Variants in TUFT1 observed in about 807,000 individuals in gnomAD.
The protein encoded by TUFT1 is tuftelin.
In TUFT1, 43 loss-of-function variants were observed where a neutral mutation model predicts 57.8. The ratio of observed to expected loss-of-function variants is 0.74; its 90% confidence interval spans 0.58 to 0.96. The LOEUF (loss-of-function observed/expected upper bound fraction) is 0.96. TUFT1 is among the 40% of genes least tolerant of loss of function. The pLI is 0.00. For missense variants in TUFT1, 459 were observed against 489.0 expected (o/e 0.94, Z 0.58); for synonymous variants, 166 against 176.7 (o/e 0.94, Z 0.48).
chr1:151,551,131 C>G (rs1665494404), intron 1 of TUFT1, among the ~76,000 whole-genome samples: 1 of 152,162 alleles, frequency 6.6e-6, no homozygotes, highest in Non-Finnish European at 1.5e-5. Flanking sequence ...GGTTGAGCAT[C>G]TTTCCTATTC....
chr1:151,566,483 C>T (rs899267362), intron 6 of TUFT1, among the ~76,000 whole-genome samples: 1 of 152,152 alleles, frequency 6.6e-6, no homozygotes, highest in Non-Finnish European at 1.5e-5. Flanking sequence ...TCAGCCTCAG[C>T]TGTTCATTGG....
rs59820789 is a variant in TUFT1, at chr1:151,569,664, C to T, written c.488C>T (p.Thr163Ile). ...TCCTTGTTCTGGCTGTAGGTGGACACCTGTATAAATGAGGATGTTGAGAGC... is the reference window on the plus strand; with the variant it reads ...TCCTTGTTCTGGCTGTAGGTGGACATCTGTATAAATGAGGATGTTGAGAGC... Reference protein sequence around the residue: ...ALYSSPPEVDTCINEDVESLR... With the variant: ...ALYSSPPEVDICINEDVESLR... The change falls in exon 7 of 13, where the codon ACC (threonine) becomes ATC (isoleucine). Residue 163 changes from threonine (T) to isoleucine (I), a missense_variant. By Grantham distance (89) the Thr-to-Ile change is moderately conservative (BLOSUM62 -1). Coordinates refer to ENST00000368849, the MANE Select transcript of TUFT1 (RefSeq NM_020127.3). 63 of 1,613,622 alleles carry T rather than the reference C, an allele frequency of 3.9e-5. No individual in the cohort carries two copies. In the East Asian group the frequency reaches 1.2e-3, roughly 32 times the overall value.
At chr1:151,564,042 A>T in intron 4 of TUFT1, 52 bp downstream of exon 4, 1 of 1,392,512 alleles carries the variant, frequency 7.2e-7, no homozygotes, top group South Asian at 1.2e-5. Context: ...TCTAAATCTC[A>T]CATTTTTTGT....
At chr1:151,570,176 T>C (rs552647686) in intron 7 of TUFT1, among the ~76,000 whole-genome samples, 7 of 152,322 alleles carry the variant, frequency 4.6e-5, no homozygotes, top group African/African-American at 1.7e-4. Flanking sequence ...AGATAGGTGC[T>C]TCATAAACGT....
chr1:151,575,000 A>C lies in TUFT1; in HGVS notation c.813A>C (p.Arg271=). The change falls in exon 9 of 13, where the codon CGA becomes CGC. Residue 271 remains arginine, a synonymous_variant. Transcript: ENST00000368849. ...RSNNADCQAE[R]EKAATLEKEV... ...ACAATGCTGACTGCCAAGCAGAACGAGAAAAGTAAGGGCTTGGCTCTTGTT... is the reference window on the plus strand; with the variant it reads ...ACAATGCTGACTGCCAAGCAGAACGCGAAAAGTAAGGGCTTGGCTCTTGTT... 1.3e-6 allele frequency: 2 copies of C among 1,560,114 alleles called. No homozygotes were observed. Among genetic ancestry groups the C allele is most frequent in the Non-Finnish European group, 1.7e-6 (2 of 1,151,520 alleles).
chr1:151,561,132 T>C (rs1665874267), intron 1 of TUFT1, among the ~76,000 whole-genome samples: 1 of 152,008 alleles, frequency 6.6e-6, no homozygotes, highest in African/African-American at 2.4e-5. Flanking sequence ...TAGCTGGGAC[T>C]ACAGGCGCCT....
At chr1:151,556,396 C>T (rs548537511) in intron 1 of TUFT1, among the ~76,000 whole-genome samples, 11 of 150,780 alleles carry the variant, frequency 7.3e-5, no homozygotes, top group Admixed American at 2.0e-4. Flanking sequence ...TCCCCCTCCC[C>T]GTCTCCTCCC....
chr1:151,540,701 G>A (rs922994977), intron 1 of TUFT1: 3 of 488,040 alleles, frequency 6.1e-6, no homozygotes, highest in African/African-American at 5.9e-5. Context: ...GCGAGCCCGT[G>A]CTTGGGCCGC....
chr1:151,558,175 A>G (rs903654895), intron 1 of TUFT1, among the ~76,000 whole-genome samples: 3 of 151,814 alleles, frequency 2.0e-5, no homozygotes, highest in Non-Finnish European at 4.4e-5. Context: ...AAATTCTCTT[A>G]GTTTTCCTTC....
chr1:151,576,038 G>A (rs1289254835), intron 9 of TUFT1, among the ~76,000 whole-genome samples: 1 of 152,202 alleles, frequency 6.6e-6, no homozygotes, highest in Admixed American at 6.5e-5. Context: ...TAGATAATCG[G>A]AAGCCAGGGT....
At chr1:151,545,767 G>A (rs1200087638) in intron 1 of TUFT1, 1 of 516,360 alleles carries the variant, frequency 1.9e-6, no homozygotes, top group Middle Eastern at 3.2e-4. Context: ...GGGGTGAGAG[G>A]AAGGCCTACA....
chr1:151,565,938 T>C (rs1666056879), intron 5 of TUFT1: 2 of 462,562 alleles, frequency 4.3e-6, no homozygotes, highest in Non-Finnish European at 7.9e-6. Flanking sequence ...CATGGAACGC[T>C]AGAAATCTTT....
intron 1 of TUFT1, among the ~76,000 whole-genome samples, chr1:151,546,690 G>A (rs1356802243): frequency 4.6e-5 from 7 of 152,184 alleles, no homozygotes; most frequent in South Asian, 2.1e-4. Context: ...ATGTTGTAAT[G>A]TGAATCAGTA....
In TUFT1 at chr1:151,581,796, T is replaced by A. The variant is rs1666653800; in HGVS notation, c.*89T>A. Reference sequence around the variant, plus strand: ...TTGGCTGTTAACACTGCCTTTGACTTCCTGACTGTCCCCTGGCTGCACCCA... The same window carrying A: ...TTGGCTGTTAACACTGCCTTTGACTACCTGACTGTCCCCTGGCTGCACCCA... On this transcript the variant is annotated 3_prime_UTR_variant, in exon 13 of 13. Coordinates refer to ENST00000368849, the MANE Select transcript of TUFT1 (RefSeq NM_020127.3). 2 of 1,378,700 alleles carry A rather than the reference T, an allele frequency of 1.5e-6. No homozygotes were observed. Among genetic ancestry groups the A allele is most frequent in the South Asian group, 2.4e-5 (2 of 84,318 alleles). 85.4% of individuals were successfully genotyped at this position (1,378,700 alleles called of 1,614,324 possible). A position where few individuals can be genotyped will look rare whatever the true frequency, so the allele number is the denominator to read the frequency against.
chr1:151,564,350 A>C (rs1665995455), intron 4 of TUFT1, among the ~76,000 whole-genome samples, 175 bp from the exon 5 acceptor site: 1 of 152,102 alleles, frequency 6.6e-6, no homozygotes, highest in Admixed American at 6.6e-5. Flanking sequence ...TGTCTCCCCA[A>C]CAAGAATGTC....
chr1:151,578,687 T>C (rs563975032), intron 9 of TUFT1, 34 bp from the exon 10 acceptor site: 6 of 1,519,106 alleles, frequency 3.9e-6, no homozygotes, highest in Non-Finnish European at 5.3e-6. Flanking sequence ...GTGATCTTGT[T>C]CCATTGCCTC....
rs139506680 is a variant in TUFT1, at chr1:151,543,851, G to A, written c.60+3425G>A. 1.3e-4 allele frequency among the ~76,000 whole-genome samples: 20 copies of A among 152,296 alleles called. No individual in the cohort carries two copies. In the East Asian group the frequency reaches 2.5e-3, roughly 19 times the overall value. ...GAGATTCTCCAAAGACCCAAGTGTT[G>A]TTATCAGTGGAGGGGAATGGAAGCT... On this transcript the variant is annotated intron_variant, in intron 1 of 12. Transcript: ENST00000368849.
chr1:151,564,601 G>A lies in TUFT1; in HGVS notation c.401G>A (p.Arg134Gln), dbSNP rs151156528. ...LDRNLGDSLHRQEIQVVLEKP... is the reference protein window; with the variant it reads ...LDRNLGDSLHQQEIQVVLEKP... ...AGGAACCTAGGAGATTCTCTCCATC[G>A]ACAGGAGATACAGGTAATAGGAAAT... Residue 134 changes from arginine (R) to glutamine (Q), a missense_variant, in exon 5 of 13, where the codon CGA (arginine) becomes CAA (glutamine). Arg to Gln is a conservative substitution (Grantham distance 43). Coordinates refer to ENST00000368849, the MANE Select transcript of TUFT1 (RefSeq NM_020127.3). 94 of 1,613,992 alleles carry A rather than the reference G, an allele frequency of 5.8e-5. No homozygotes were observed. In the African/African-American group the frequency reaches 8.9e-4, roughly 15 times the overall value.
Position 151,566,198 on chromosome 1 carries a change from T to G in TUFT1, c.450T>G (p.Ser150Arg), listed in dbSNP as rs1026710657. The change falls in exon 6 of 13, where the codon AGT becomes AGG. Residue 150 changes from serine to arginine, a missense_variant. Ser to Arg is a moderately radical substitution (Grantham distance 110, BLOSUM62 -1). Transcript: ENST00000368849. ...VLEKPNGFSQ[S>R]PTALYSSPPE... ...AAAAGCCAAATGGCTTTAGTCAGAG[T>G]CCCACAGCCCTGTACAGCAGCCCAC... is the stretch of plus-strand genomic sequence containing the variant. 16 of 1,611,786 alleles carry G rather than the reference T, an allele frequency of 9.9e-6. No individual in the cohort carries two copies. The Admixed American group carries it at 2.2e-4, about 22-fold the overall frequency.
Sources: gnomAD v4.1 joint callset for allele counts (sites outside exome capture counted in the v4.1 genomes callset) on GRCh38, gnomAD v4.1.1 for gene constraint, MANE v1.5 for transcripts, NCBI Gene and HGNC (gene_info 2026-07-23, HGNC 2026-07-21) for gene names.